Variants in FAM168A observed in about 807,000 individuals in gnomAD.
FAM168A encodes family with sequence similarity 168 member A.
FAM168A carries 3 observed loss-of-function variants against 28.5 expected under a neutral mutation model. The ratio of observed to expected loss-of-function variants is 0.11; its 90% CI spans 0.05 to 0.27. The LOEUF (loss-of-function observed/expected upper bound fraction) is 0.27. FAM168A is among the 10% of genes least tolerant of loss of function. The pLI is 1.00. For synonymous variants in FAM168A, 122 were observed against 124.2 expected (o/e 0.98, Z 0.12); for missense variants, 222 against 311.5 (o/e 0.71, Z 2.16).
At chr11:73,534,954 C>T (rs1218341785) in intron 1 of FAM168A, among the ~76,000 whole-genome samples, 1 of 152,092 alleles carries the variant, frequency 6.6e-6, no homozygotes, top group Non-Finnish European at 1.5e-5. Flanking sequence ...CCCCCTACAG[C>T]CTTGTTCTCC....
intron 2 of FAM168A, among the ~76,000 whole-genome samples, chr11:73,467,937 T>C (rs1184792412): frequency 1.3e-5 from 2 of 152,142 alleles, no homozygotes; most frequent in African/African-American, 4.8e-5. Context: ...ACATGGGAAA[T>C]AGAAAGTTAG....
At chr11:73,549,535 C>A (rs542583872) in intron 1 of FAM168A, among the ~76,000 whole-genome samples, 1 of 152,148 alleles carries the variant, frequency 6.6e-6, no homozygotes, top group Admixed American at 6.5e-5. Context: ...TGCAGGACAG[C>A]GCTATGTCTA....
chr11:73,563,896 C>T (rs1182281980), intron 1 of FAM168A, among the ~76,000 whole-genome samples: 1 of 152,060 alleles, frequency 6.6e-6, no homozygotes, highest in African/African-American at 2.4e-5. Flanking sequence ...AGCCTAATTA[C>T]TGACTTAATT....
In FAM168A at chr11:73,408,906, C is replaced by CT. The variant is rs572238775; in HGVS notation, c.595+580dup. Among the ~76,000 whole-genome samples, 32 of 152,040 alleles carry CT rather than the reference C, an allele frequency of 2.1e-4. No individual in the cohort carries two copies. In the East Asian group the frequency reaches 6.0e-3, roughly 28 times the overall value. ...ATAAAGAACATTGCCCCTGTGTCTT[C>CT]TTTTTTGGCGCCCCTGCTGTTACTG... On this transcript the variant is annotated intron_variant, in intron 6 of 7. Transcript: ENST00000356467.
chr11:73,538,225 T>C (rs1252995518), intron 1 of FAM168A, among the ~76,000 whole-genome samples: 1 of 152,066 alleles, frequency 6.6e-6, no homozygotes, highest in Non-Finnish European at 1.5e-5. Flanking sequence ...GTCTGCTGAA[T>C]TGCATTATAC....
chr11:73,437,261 C>T (rs1360533395), intron 2 of FAM168A, among the ~76,000 whole-genome samples: 1 of 151,786 alleles, frequency 6.6e-6, no homozygotes, highest in Non-Finnish European at 1.5e-5. Flanking sequence ...CCCCACCTGG[C>T]TAATTTTTGT....
At chr11:73,583,062 T>G (rs1944267310) in intron 1 of FAM168A, among the ~76,000 whole-genome samples, 1 of 152,174 alleles carries the variant, frequency 6.6e-6, no homozygotes, top group South Asian at 2.1e-4. Flanking sequence ...CCCAGCACCT[T>G]GGGAGGCCAA....
intron 1 of FAM168A, among the ~76,000 whole-genome samples, chr11:73,506,997 A>T (rs1051377890): frequency 6.6e-6 from 1 of 152,224 alleles, no homozygotes; most frequent in Non-Finnish European, 1.5e-5. Context: ...ATCACACTTA[A>T]GAGTGTTGCA....
At chr11:73,574,556 T>C (rs1024741462) in intron 1 of FAM168A, among the ~76,000 whole-genome samples, 4 of 152,098 alleles carry the variant, frequency 2.6e-5, no homozygotes, top group African/African-American at 9.7e-5. Flanking sequence ...ATAATGGCAC[T>C]TGAAGTTGGC....
chr11:73,565,846 A>C (rs1944014781), intron 1 of FAM168A, among the ~76,000 whole-genome samples: 3 of 152,206 alleles, frequency 2.0e-5, no homozygotes, highest in Admixed American at 1.3e-4. Flanking sequence ...CTGTTTCACC[A>C]GGCTCTTGCG....
At chr11:73,533,131 G>C (rs1420690971) in intron 1 of FAM168A, among the ~76,000 whole-genome samples, 1 of 152,110 alleles carries the variant, frequency 6.6e-6, no homozygotes, top group African/African-American at 2.4e-5. Context: ...GATAGAGCAA[G>C]GCATTTAATT....
chr11:73,560,157 G>A (rs564221125), intron 1 of FAM168A, among the ~76,000 whole-genome samples: 28 of 152,014 alleles, frequency 1.8e-4, no homozygotes, highest in African/African-American at 5.1e-4. Flanking sequence ...TCGACCCCTC[G>A]GACTCAAGCG....
chr11:73,466,572 C>T (rs757598041), intron 2 of FAM168A, among the ~76,000 whole-genome samples: 2 of 152,060 alleles, frequency 1.3e-5, no homozygotes, highest in Non-Finnish European at 2.9e-5. Context: ...TAAATGCTTA[C>T]TGTAATGCAA....
chr11:73,576,604 G>C (rs1944178943), intron 1 of FAM168A, among the ~76,000 whole-genome samples: 2 of 152,144 alleles, frequency 1.3e-5, no homozygotes, highest in Admixed American at 1.3e-4. Flanking sequence ...ACAGGCTCTG[G>C]AAATGAAGAC....
At chr11:73,579,086 G>C (rs552389795) in intron 1 of FAM168A, among the ~76,000 whole-genome samples, 2 of 152,298 alleles carry the variant, frequency 1.3e-5, no homozygotes, top group Admixed American at 1.3e-4. Flanking sequence ...CAGAGAGAGA[G>C]GAAGTAAGCT....
At position 73,447,004 on chromosome 11, in the gene FAM168A, T is replaced by C. The variant is rs189081433; in HGVS notation, c.71-16234A>G. 1.7e-3 allele frequency among the ~76,000 whole-genome samples: 258 copies of C among 152,338 alleles called. 2 individuals carry two copies. Among genetic ancestry groups the C allele is most frequent in the Non-Finnish European group, 3.0e-3 (203 of 68,030 alleles). On this transcript the variant is annotated intron_variant, in intron 2 of 7. Transcript: ENST00000356467. ...ACATTTAGATGTCCTATTTCTTCTCTTGCCACGCCGGGTCTGGCATTTTAC... is the reference window on the plus strand; with the variant it reads ...ACATTTAGATGTCCTATTTCTTCTCCTGCCACGCCGGGTCTGGCATTTTAC...
At chr11:73,572,328 G>A (rs1442903433) in intron 1 of FAM168A, among the ~76,000 whole-genome samples, 1 of 151,962 alleles carries the variant, frequency 6.6e-6, no homozygotes, top group Non-Finnish European at 1.5e-5. Flanking sequence ...GCCCCTACTG[G>A]GAAGTGAGGA....
At chr11:73,442,955 GAT>G (rs58430278) in intron 2 of FAM168A, among the ~76,000 whole-genome samples, 2,286 of 40,060 alleles carry the variant, frequency 0.057, 54 homozygotes, top group Non-Finnish European at 0.083. Context: ...ATATACAAAG[GAT>G]ATATATATAT....
At chr11:73,433,052 C>G (rs1867023591) in intron 2 of FAM168A, among the ~76,000 whole-genome samples, 1 of 146,108 alleles carries the variant, frequency 6.8e-6, no homozygotes. Flanking sequence ...GCTAGGCCTA[C>G]AGGTGCGTGC....
Sources: allele counts gnomAD v4.1 joint callset (sites outside exome capture counted in the v4.1 genomes callset), GRCh38; gene constraint gnomAD v4.1.1; transcripts MANE v1.5; gene names NCBI Gene and HGNC (gene_info 2026-07-23, HGNC 2026-07-21).